Variants in CTTNBP2 observed in about 807,000 individuals in gnomAD.
CTTNBP2 encodes cortactin binding protein 2.
A neutral mutation model predicts 156.9 loss-of-function variants in CTTNBP2; 108 were observed. The observed-to-expected ratio is 0.69, with a 90% CI of 0.59 to 0.81. The LOEUF is 0.81. Among genes scored for constraint, CTTNBP2 ranks in the 30% least tolerant of loss-of-function variants. The pLI is 0.00. For missense variants in CTTNBP2, 1,924 were observed against 2,035.4 expected, an observed-to-expected ratio of 0.95 and a Z score of 1.05; for synonymous variants, 767 against 751.8, an observed-to-expected ratio of 1.02 and a Z score of -0.33.
At chr7:117,717,916 G>T in intron 22 of CTTNBP2, 102 bp downstream of exon 22, 1 of 727,768 alleles carries the variant, frequency 1.4e-6, no homozygotes, top group Non-Finnish European at 2.4e-6. Context: ...TCTTAGCTTT[G>T]GTTTAAAAAA....
intron 2 of CTTNBP2, among the ~76,000 whole-genome samples, chr7:117,859,578 G>A (rs537039881): frequency 3.3e-4 from 50 of 152,210 alleles, no homozygotes; most frequent in South Asian, 1.5e-3. Flanking sequence ...ACTGGCCTTC[G>A]CAGCTGACTG....
At chr7:117,781,667 G>A (rs1798442582) in intron 6 of CTTNBP2, among the ~76,000 whole-genome samples, 1 of 152,222 alleles carries the variant, frequency 6.6e-6, no homozygotes, top group Admixed American at 6.5e-5. Flanking sequence ...AGACCCAGGA[G>A]GCGGAGGTTG....
At chr7:117,774,939 T>C (rs1798013444) in intron 8 of CTTNBP2, among the ~76,000 whole-genome samples, 1 of 152,182 alleles carries the variant, frequency 6.6e-6, no homozygotes, top group Non-Finnish European at 1.5e-5. Context: ...CTTAATATCT[T>C]AGTTATAAGT....
chr7:117,817,902 C>A (rs993734930), intron 2 of CTTNBP2, among the ~76,000 whole-genome samples: 1 of 152,114 alleles, frequency 6.6e-6, no homozygotes, highest in African/African-American at 2.4e-5. Context: ...TGCCTAAGGT[C>A]ACTTTAACAG....
intron 19 of CTTNBP2, among the ~76,000 whole-genome samples, chr7:117,724,113 A>T (rs909894804): frequency 2.7e-4 from 41 of 152,126 alleles, no homozygotes; most frequent in African/African-American, 9.7e-4. Context: ...TAAGAAAGAA[A>T]TGTGTACACC....
At chr7:117,730,655 A>G (rs1027929025) in intron 16 of CTTNBP2, among the ~76,000 whole-genome samples, 3 of 152,220 alleles carry the variant, frequency 2.0e-5, no homozygotes, top group Admixed American at 2.0e-4. Context: ...CACAGTGACT[A>G]TTAGTGGGAC....
intron 1 of CTTNBP2, among the ~76,000 whole-genome samples, chr7:117,870,994 G>A (rs142845503): frequency 1.6e-3 from 241 of 152,326 alleles, no homozygotes; most frequent in African/African-American, 5.7e-3. Flanking sequence ...TCAAAGCTTA[G>A]TGAAAACACT....
At chr7:117,744,425 AC>A (rs757680350) in intron 14 of CTTNBP2, among the ~76,000 whole-genome samples, 1 of 152,242 alleles carries the variant, frequency 6.6e-6, no homozygotes. Context: ...ACAATTAAGA[AC>A]CTGTGATGTT....
At chr7:117,713,206 TG>T (rs1298382195) in intron 22 of CTTNBP2, among the ~76,000 whole-genome samples, 6 of 152,198 alleles carry the variant, frequency 3.9e-5, no homozygotes, top group African/African-American at 1.4e-4. Context: ...CCAAAATGGC[TG>T]GGGACTGCTG....
intron 4 of CTTNBP2, among the ~76,000 whole-genome samples, chr7:117,786,965 C>A (rs111662055): frequency 2.0e-5 from 3 of 151,960 alleles, no homozygotes; most frequent in African/African-American, 7.2e-5. Flanking sequence ...TTTTAGAGGT[C>A]TGCAATATAT....
At chr7:117,855,948 T>A (rs1339654602) in intron 2 of CTTNBP2, among the ~76,000 whole-genome samples, 1 of 152,222 alleles carries the variant, frequency 6.6e-6, no homozygotes, top group African/African-American at 2.4e-5. Flanking sequence ...TGCTACATAA[T>A]AGGTATTCAT....
At chr7:117,725,328 GAC>G in intron 17 of CTTNBP2, 71 bp from the exon 18 acceptor site, 2 of 1,405,890 alleles carry the variant, frequency 1.4e-6, no homozygotes, top group Non-Finnish European at 2.0e-6. Flanking sequence ...TCCGTGAAAG[GAC>G]AGTTTGAAGA....
At chr7:117,836,910 C>T (rs1344326818) in intron 2 of CTTNBP2, among the ~76,000 whole-genome samples, 2 of 152,144 alleles carry the variant, frequency 1.3e-5, no homozygotes, top group African/African-American at 4.8e-5. Flanking sequence ...TTATCTCCCA[C>T]GGGGTCTGTC....
At chr7:117,774,130 C>T (rs920752619) in intron 8 of CTTNBP2, among the ~76,000 whole-genome samples, 5 of 152,090 alleles carry the variant, frequency 3.3e-5, no homozygotes, top group African/African-American at 9.7e-5. Flanking sequence ...AAGGCTTATC[C>T]TTAGTTCAGC....
At chr7:117,747,617 AC>A (rs1328152348) in intron 12 of CTTNBP2, among the ~76,000 whole-genome samples, 4 of 152,198 alleles carry the variant, frequency 2.6e-5, no homozygotes, top group Non-Finnish European at 5.9e-5. Context: ...CACTAAAAAT[AC>A]AAAAATTAGC....
At chr7:117,793,111 A>G (rs2116871480) in intron 3 of CTTNBP2, among the ~76,000 whole-genome samples, 1 of 152,342 alleles carries the variant, frequency 6.6e-6, no homozygotes, top group Non-Finnish European at 1.5e-5. Context: ...TTGTAAAAAC[A>G]CAGCTCTGTG....
intron 14 of CTTNBP2, among the ~76,000 whole-genome samples, chr7:117,742,248 T>G (rs923474716): frequency 2.6e-5 from 4 of 152,222 alleles, no homozygotes; most frequent in Non-Finnish European, 5.9e-5. Context: ...GTGGTAGCCA[T>G]GGTGTCTGTG....
chr7:117,736,592 C>T (rs1015459032), intron 14 of CTTNBP2, among the ~76,000 whole-genome samples: 13 of 152,100 alleles, frequency 8.5e-5, no homozygotes, highest in East Asian at 5.8e-4. Flanking sequence ...TTTTCCCATT[C>T]GTTTCACTCA....
At chr7:117,775,277 G>C (rs1345795844) in intron 8 of CTTNBP2, among the ~76,000 whole-genome samples, 1 of 151,992 alleles carries the variant, frequency 6.6e-6, no homozygotes, top group African/African-American at 2.4e-5. Flanking sequence ...AATTCATCTT[G>C]TGCTTCTTAA....
Sources: allele counts gnomAD v4.1 joint callset (sites outside exome capture counted in the v4.1 genomes callset), GRCh38; gene constraint gnomAD v4.1.1; transcripts MANE v1.5; gene names NCBI Gene and HGNC (gene_info 2026-07-23, HGNC 2026-07-21).